The following DUSP29 variants were observed in gnomAD, a reference collection of about 807,000 sequenced individuals.
DUSP29 encodes atypical dual-specific protein phosphatase.
Under a neutral mutation model 13.5 loss-of-function variants are expected in DUSP29, and 12 were observed. The observed-to-expected ratio is 0.89, with a 90% confidence interval of 0.57 to 1.44. DUSP29 has a LOEUF of 1.44. DUSP29 is among the 40% of genes most tolerant of loss of function. The pLI is 0.00. For missense variants in DUSP29, 308 were observed against 301.1 expected (o/e 1.02, Z -0.17); for synonymous variants, 134 against 128.7 (o/e 1.04, Z -0.28).
intron 1 of DUSP29, among the ~76,000 whole-genome samples, chr10:75,066,958 C>CTTTTT (rs61298475): frequency 2.1e-5 from 3 of 139,588 alleles, no homozygotes; most frequent in Non-Finnish European, 3.1e-5. Context: ...TTTTCTTTTT[C>CTTTTT]TTTTTTTTTT....
intron 3 of DUSP29, among the ~76,000 whole-genome samples, chr10:75,042,553 G>A (rs1022487402): frequency 2.6e-5 from 4 of 152,244 alleles, no homozygotes; most frequent in African/African-American, 9.6e-5. Context: ...GCCTGGAAAT[G>A]AGGCATCTTC....
At chr10:75,049,368 G>T (rs1002229255) in intron 2 of DUSP29, among the ~76,000 whole-genome samples, 1 of 152,170 alleles carries the variant, frequency 6.6e-6, no homozygotes, top group African/African-American at 2.4e-5. Context: ...AGGAGGTCTG[G>T]TTTTGAGAAA....
intron 3 of DUSP29, among the ~76,000 whole-genome samples, chr10:75,041,951 T>C (rs965916357): frequency 2.0e-5 from 3 of 152,242 alleles, no homozygotes; most frequent in Admixed American, 2.0e-4. Context: ...GCCAGGAACC[T>C]ACAACAAGCT....
At chr10:75,053,485 G>A (rs1451909752) in intron 2 of DUSP29, among the ~76,000 whole-genome samples, 4 of 152,232 alleles carry the variant, frequency 2.6e-5, no homozygotes, top group Non-Finnish European at 5.9e-5. Flanking sequence ...AGTGAGATAA[G>A]TCCCATTATT....
At chr10:75,039,642 C>T (rs1181801629) in intron 3 of DUSP29, among the ~76,000 whole-genome samples, 1 of 152,220 alleles carries the variant, frequency 6.6e-6, no homozygotes, top group Non-Finnish European at 1.5e-5. Context: ...GCACCACGCT[C>T]CGCCCCGCAG....
chr10:75,073,500 A>G (rs1243566406), intron 1 of DUSP29, among the ~76,000 whole-genome samples, 69 bp downstream of exon 1: 1 of 152,300 alleles, frequency 6.6e-6, no homozygotes, highest in East Asian at 1.9e-4. Flanking sequence ...TCTAATCCCC[A>G]CACCCAGGCC....
At chr10:75,058,991 G>A (rs1847029452) in intron 1 of DUSP29, among the ~76,000 whole-genome samples, 1 of 152,230 alleles carries the variant, frequency 6.6e-6, no homozygotes, top group Admixed American at 6.5e-5. Flanking sequence ...GTGTCTGCAG[G>A]GAGCCGTCAG....
chr10:75,044,000 C>T lies in DUSP29; in HGVS notation c.218G>A (p.Arg73His). Reference sequence around the variant, plus strand: ...GAACCCCGCCTTCTGCAGCCTATAGCGGTCCAGCGCCGTCGCCCTGGGCGC... The same window carrying T: ...GAACCCCGCCTTCTGCAGCCTATAGTGGTCCAGCGCCGTCGCCCTGGGCGC... ...YIGDEATALD[R>H]YRLQKAGFTH... The change falls in exon 3 of 4, where the codon CGC becomes CAC. Residue 73 changes from arginine (R) to histidine (H), a missense_variant. Transcript: ENST00000338487. 6.2e-7 allele frequency: 1 copy of T among 1,610,486 alleles called. No homozygotes were observed.
At chr10:75,059,680 G>C (rs1216953756) in intron 1 of DUSP29, among the ~76,000 whole-genome samples, 1 of 152,118 alleles carries the variant, frequency 6.6e-6, no homozygotes, top group Non-Finnish European at 1.5e-5. Flanking sequence ...GCAGTGTGAG[G>C]AGGGGCAGGC....
At chr10:75,043,359 G>A (rs4746254) in intron 3 of DUSP29, among the ~76,000 whole-genome samples, 19,835 of 152,248 alleles carry the variant, frequency 0.13, 2,621 homozygotes, top group African/African-American at 0.34. Context: ...GTCTCCGGCC[G>A]CAGTCCCAGC....
At chr10:75,055,494 A>T (rs959821008) in intron 2 of DUSP29, among the ~76,000 whole-genome samples, 1 of 152,254 alleles carries the variant, frequency 6.6e-6, no homozygotes. Flanking sequence ...AGCCAGGAAC[A>T]TATTATAACA....
At chr10:75,067,432 T>C (rs1847229338) in intron 1 of DUSP29, among the ~76,000 whole-genome samples, 2 of 152,140 alleles carry the variant, frequency 1.3e-5, no homozygotes, top group South Asian at 4.1e-4. Context: ...TCCCTTACAG[T>C]GTCAGAGCCA....
At chr10:75,038,840 C>T (rs946327302) in intron 3 of DUSP29, among the ~76,000 whole-genome samples, 25 of 152,204 alleles carry the variant, frequency 1.6e-4, no homozygotes, top group South Asian at 1.0e-3. Context: ...GGCATGAGGC[C>T]GGGCGCGGTG....
At chr10:75,048,432 G>A (rs1175717109) in intron 2 of DUSP29, among the ~76,000 whole-genome samples, 7 of 144,526 alleles carry the variant, frequency 4.8e-5, no homozygotes, top group Admixed American at 1.4e-4. Flanking sequence ...TCGCTCTGTC[G>A]CCCAGGCTGG....
chr10:75,056,282 C>G (rs1368866546), intron 2 of DUSP29, among the ~76,000 whole-genome samples: 1 of 151,936 alleles, frequency 6.6e-6, no homozygotes, highest in Non-Finnish European at 1.5e-5. Flanking sequence ...AATCCCAGCA[C>G]TTCGGGAGGC....
Position 75,037,923 on chromosome 10 carries a change from C to T in DUSP29, c.576G>A (p.Gln192=). The part of the protein sequence containing the change: ...CVLPNRGFLK[Q]LRELDKQLVQ... ...CCAGCTGCTTGTCCAGCTCCCGGAG[C>T]TGCTTCAAAAAGCCCCGGTTCGGGA... The change falls in exon 4 of 4, where the codon CAG becomes CAA. Residue 192 remains glutamine, a synonymous_variant. Transcript: ENST00000338487. The T allele has an allele frequency of 6.2e-7, 1 of 1,613,906 alleles. No individual in the cohort carries two copies. Among genetic ancestry groups the T allele is most frequent in the East Asian group, 2.2e-5 (1 of 44,894 alleles).
At chr10:75,045,908 C>G (rs1025390252) in intron 2 of DUSP29, among the ~76,000 whole-genome samples, 5 of 152,022 alleles carry the variant, frequency 3.3e-5, no homozygotes, top group African/African-American at 1.2e-4. Context: ...ACCAGGAGTT[C>G]AAGACCAGCC....
At chr10:75,067,552 C>G (rs929931506) in intron 1 of DUSP29, among the ~76,000 whole-genome samples, 1 of 152,136 alleles carries the variant, frequency 6.6e-6, no homozygotes, top group Non-Finnish European at 1.5e-5. Context: ...CCTTGACTTC[C>G]CCTCAGAAGT....
At chr10:75,043,310 C>G (rs963437246) in intron 3 of DUSP29, among the ~76,000 whole-genome samples, 8 of 152,240 alleles carry the variant, frequency 5.3e-5, no homozygotes, top group African/African-American at 1.9e-4. Context: ...CATCAAAGCC[C>G]TTGGCTACTA....
Sources: gnomAD v4.1 joint callset for allele counts (sites outside exome capture counted in the v4.1 genomes callset) on GRCh38, gnomAD v4.1.1 for gene constraint, MANE v1.5 for transcripts, NCBI Gene and HGNC (gene_info 2026-07-23, HGNC 2026-07-21) for gene names.